Variants in TTC7A observed in about 807,000 individuals in gnomAD.
TTC7A encodes the protein tetratricopeptide repeat protein 7A.
In TTC7A, 110 loss-of-function variants were observed where a neutral mutation model predicts 103.7. That is an observed-to-expected ratio of 1.06 (90% CI 0.91 to 1.24). TTC7A has a LOEUF of 1.24. Ranked by LOEUF, TTC7A falls within the 50% of genes most tolerant of loss-of-function variation. TTC7A has a pLI of 0.00. For synonymous variants in TTC7A, 521 were observed against 467.9 expected, an observed-to-expected ratio of 1.11 and a Z score of -1.47; for missense variants, 1,340 against 1,116.3, an observed-to-expected ratio of 1.20 and a Z score of -2.86.
At chr2:46,921,094 A>G (rs1669081033) in intron 2 of TTC7A, among the ~76,000 whole-genome samples, 1 of 152,170 alleles carries the variant, frequency 6.6e-6, no homozygotes, top group South Asian at 2.1e-4. Flanking sequence ...CTTTTCCCTT[A>G]ATATCAGGAA....
At chr2:46,995,612 G>T (rs1676099791) in intron 8 of TTC7A, among the ~76,000 whole-genome samples, 1 of 152,222 alleles carries the variant, frequency 6.6e-6, no homozygotes, top group Non-Finnish European at 1.5e-5. Flanking sequence ...TCAGGTTCCA[G>T]TTCTGCGTGT....
intron 11 of TTC7A, among the ~76,000 whole-genome samples, chr2:47,013,835 T>C (rs1286463159): frequency 1.3e-5 from 2 of 152,160 alleles, no homozygotes; most frequent in East Asian, 3.8e-4. Context: ...AAGGGTGAGC[T>C]GTTTAACTTC....
intron 5 of TTC7A, among the ~76,000 whole-genome samples, chr2:46,990,281 G>T (rs1185428524): frequency 6.6e-6 from 1 of 152,212 alleles, no homozygotes; most frequent in Non-Finnish European, 1.5e-5. Context: ...CCCTTAGCTG[G>T]CCTGGCCTGT....
At chr2:46,916,090 G>C (rs895423768), upstream of TTC7A, 5 of 985,428 alleles carry the variant, frequency 5.1e-6, no homozygotes, top group Non-Finnish European at 6.0e-6. Context: ...GTAGTTCCAC[G>C]GGCGACGTAG....
At chr2:46,968,530 T>G (rs1172334283) in intron 3 of TTC7A, among the ~76,000 whole-genome samples, 1 of 152,110 alleles carries the variant, frequency 6.6e-6, no homozygotes, top group East Asian at 1.9e-4. Context: ...AGGGGACAAA[T>G]ACAAGGTTCC....
rs1454748257 is a variant in TTC7A, at chr2:46,941,682, C to A, written c.141C>A (p.Asn47Lys). 1 of 1,551,520 alleles carries A rather than the reference C, an allele frequency of 6.4e-7. No individual in the cohort carries two copies. Among genetic ancestry groups the A allele is most frequent in the Non-Finnish European group, 8.7e-7 (1 of 1,147,808 alleles). ...QTLSMPGGGG[N>K]RRGSPSAAFT... ...TGAGCATGCCCGGCGGCGGAGGTAA[C>A]AGGCGAGGCAGCCCGAGCGCAGCGT... The change falls in exon 1 of 20, where the codon AAC becomes AAA. Residue 47 changes from asparagine to lysine, a missense_variant. By Grantham distance (94) the Asn-to-Lys change is moderately conservative (BLOSUM62 0). Transcript: ENST00000319190. The surrounding 1 kb of genome is among the most constrained non-coding windows in gnomAD (Gnocchi z 4.2).
chr2:46,959,849 T>A (rs997256388), intron 3 of TTC7A, among the ~76,000 whole-genome samples: 1 of 152,138 alleles, frequency 6.6e-6, no homozygotes, highest in African/African-American at 2.4e-5. Context: ...TGCAGACACA[T>A]CACATGCGTA....
chr2:47,027,536 G>C (rs1382385686), intron 14 of TTC7A, among the ~76,000 whole-genome samples: 1 of 152,252 alleles, frequency 6.6e-6, no homozygotes, highest in Admixed American at 6.5e-5. Flanking sequence ...AAAAGCATAT[G>C]CCTAATTTGC....
chr2:46,940,851 G>T (rs930082068), upstream of TTC7A, among the ~76,000 whole-genome samples: 1 of 152,094 alleles, frequency 6.6e-6, no homozygotes, highest in Non-Finnish European at 1.5e-5. This position sits in a 1 kb window ranked among gnomAD's most constrained non-coding sequence, Gnocchi z 4.7. Flanking sequence ...GGGGCCTGTC[G>T]GCCGGCCTCT....
In TTC7A at chr2:47,003,619, G is replaced by A. The variant is rs538971298; in HGVS notation, c.1066-2303G>A. 2.6e-5 allele frequency among the ~76,000 whole-genome samples: 4 copies of A among 152,312 alleles called. No homozygotes were observed. The South Asian group carries it at 6.2e-4, about 24-fold the overall frequency. Reference sequence around the variant, plus strand: ...ACAGGCAGGAGGGTCCCCAGACCCTGGATGTGCCCAGCCAAGCTTCTTCCC... The same window carrying A: ...ACAGGCAGGAGGGTCCCCAGACCCTAGATGTGCCCAGCCAAGCTTCTTCCC... On this transcript the variant is annotated intron_variant, in intron 8 of 19. Transcript: ENST00000319190.
intron 1 of TTC7A, 32 bp from the exon 2 acceptor site, chr2:46,950,331 T>C (rs1307902007): frequency 6.2e-7 from 1 of 1,611,962 alleles, no homozygotes; most frequent in East Asian, 2.2e-5. Context: ...TTGTTCGGGG[T>C]TTGCTGCTCT....
In TTC7A at chr2:47,029,322, G is replaced by A. The variant is rs1403479378; in HGVS notation, c.1740G>A (p.Lys580=). ...TGGCACTGCTCTTCTCTGCCCAGAA[G>A]CACCACCAGCATGCCCTGGATGTTG... is the stretch of plus-strand genomic sequence containing the variant. ...HLLALLFSAQ[K]HHQHALDVVN... The change falls in exon 15 of 20, where the codon AAG becomes AAA. Residue 580 remains lysine, a synonymous_variant. Transcript: ENST00000319190. The A allele has an allele frequency of 1.2e-6, 2 of 1,614,094 alleles. No homozygotes were observed. Among genetic ancestry groups the A allele is most frequent in the Admixed American group, 1.7e-5 (1 of 60,032 alleles).
intron 15 of TTC7A, among the ~76,000 whole-genome samples, chr2:47,030,804 A>C (rs922908018): frequency 1.3e-5 from 2 of 152,112 alleles, no homozygotes; most frequent in Non-Finnish European, 2.9e-5. Context: ...CCTGTCTTTT[A>C]TGTTCGTGGC....
At chr2:47,051,947 T>C in intron 18 of TTC7A, 67 bp downstream of exon 18, 1 of 1,528,730 alleles carries the variant, frequency 6.5e-7, no homozygotes, top group Non-Finnish European at 8.9e-7. Flanking sequence ...CAGAGCCCTG[T>C]CCTGGAGAAG....
chr2:46,994,528 G>T lies in TTC7A; in HGVS notation c.1001+14G>T, dbSNP rs762087884. On this transcript the variant is annotated intron_variant, in intron 7 of 19. Transcript: ENST00000319190. ...TGAAGGAGACAAGTAAGTTCTGCCT[G>T]CCCTGCTGCACCTTGCCAGTCTCAC... is the stretch of plus-strand genomic sequence containing the variant. 1.1e-5 allele frequency: 18 copies of T among 1,613,070 alleles called. No homozygotes were observed. The highest frequency in any genetic ancestry group is 1.5e-5 in the Non-Finnish European group (18 of 1,179,446).
At chr2:47,061,542 G>T (rs575775510) in intron 19 of TTC7A, among the ~76,000 whole-genome samples, 2 of 152,272 alleles carry the variant, frequency 1.3e-5, no homozygotes, top group South Asian at 4.1e-4. Context: ...CTCATTCATG[G>T]GCTCAGGACT....
chr2:46,924,503 T>A lies in TTC7A; in HGVS notation c.82+7226T>A, dbSNP rs992439178. 2.0e-4 allele frequency among the ~76,000 whole-genome samples: 30 copies of A among 152,220 alleles called. 1 individual carries two copies. The East Asian group carries it at 3.1e-3, about 16-fold the overall frequency. ...AGTATAATAATATTCTAAAGAAAAA[T>A]TATAAAATATATTGAGTATGAGTGT... is the stretch of plus-strand genomic sequence containing the variant. On this transcript the variant is annotated intron_variant, in intron 2 of 20. Coordinates refer to the TTC7A transcript ENST00000409245.
At chr2:47,006,112 A>G in intron 9 of TTC7A, 53 bp downstream of exon 9, 1 of 1,594,704 alleles carries the variant, frequency 6.3e-7, no homozygotes, top group South Asian at 1.1e-5. Context: ...TGGTCTGTAA[A>G]GGAAATCAGA....
intron 19 of TTC7A, among the ~76,000 whole-genome samples, chr2:47,069,025 C>G (rs1684435035): frequency 6.6e-6 from 1 of 152,126 alleles, no homozygotes; most frequent in Non-Finnish European, 1.5e-5. Context: ...GACTGGGCCC[C>G]CTTCTCACTC....
Sources: gnomAD v4.1 joint callset for allele counts (sites outside exome capture counted in the v4.1 genomes callset) on GRCh38, gnomAD v4.1.1 for gene constraint, Gnocchi (gnomAD v3.1) non-coding constraint, MANE v1.5 for transcripts, NCBI Gene and HGNC (gene_info 2026-07-23, HGNC 2026-07-21) for gene names.